The following TAS2R1 variants were observed in gnomAD, a reference collection of about 807,000 sequenced individuals.
The protein encoded by TAS2R1 is taste 2 receptor member 1.
For missense variants in TAS2R1, 370 were observed against 353.4 expected (o/e 1.05, Z -0.38); for synonymous variants, 141 against 134.2 (o/e 1.05, Z -0.35).
the TAS2R1 span, among the ~76,000 whole-genome samples, chr5:9,822,250 T>C: frequency 6.6e-6 from 1 of 152,204 alleles, no homozygotes; most frequent in African/African-American, 2.4e-5. Context: ...TTCCTTGATG[T>C]CACTTCCTCA....
At chr5:9,629,165 T>A, downstream of TAS2R1, 3 of 1,582,948 alleles carry the variant, frequency 1.9e-6, no homozygotes, top group Non-Finnish European at 1.7e-6. Context: ...AGGAGGAACT[T>A]TTTTGCATTT....
upstream of TAS2R1, among the ~76,000 whole-genome samples, chr5:9,633,319 T>TATATATATATATATATATATACAC (rs1475834697): frequency 7.3e-6 from 1 of 137,482 alleles, no homozygotes; most frequent in African/African-American, 3.0e-5. Context: ...TATATATATA[T>TATATATATATATATATATATACAC]ACACAAATGT....
intron 2 of TAS2R1, chr5:9,658,886 T>C (rs144423384): frequency 2.4e-4 from 36 of 152,326 alleles, no homozygotes; most frequent in African/African-American, 7.0e-4. Flanking sequence ...TTTTAATCAC[T>C]ACAGCATCAT....
chr5:9,895,002 T>C, the TAS2R1 span, among the ~76,000 whole-genome samples: 1 of 152,214 alleles, frequency 6.6e-6, no homozygotes, highest in South Asian at 2.1e-4. Context: ...GAGAAGACCA[T>C]GTGGTGGTAG....
chr5:9,780,075 C>T, the TAS2R1 span, among the ~76,000 whole-genome samples: 1 of 152,224 alleles, frequency 6.6e-6, no homozygotes, highest in Non-Finnish European at 1.5e-5. Flanking sequence ...CCTTTTCTCT[C>T]CTGCACCATC....
the TAS2R1 span, among the ~76,000 whole-genome samples, chr5:9,766,275 T>G: frequency 2.7e-3 from 412 of 152,348 alleles, 2 homozygotes; most frequent in African/African-American, 9.5e-3. Flanking sequence ...AAATAAATGT[T>G]TACAAATGCT....
At chr5:9,713,310 C>G (rs1734735756), upstream of TAS2R1, 1 of 152,118 alleles carries the variant, frequency 6.6e-6, no homozygotes, top group Admixed American at 6.5e-5. Context: ...AGTAGTTTTA[C>G]AGAATTACCA....
At chr5:9,867,260 G>A in the TAS2R1 span, 1 of 152,288 alleles carries the variant, frequency 6.6e-6, no homozygotes, top group Non-Finnish European at 1.5e-5. Flanking sequence ...ATACATGCCA[G>A]ACACAGAGGG....
At chr5:9,686,618 G>T (rs548498708) in intron 1 of TAS2R1, among the ~76,000 whole-genome samples, 24 of 152,244 alleles carry the variant, frequency 1.6e-4, no homozygotes, top group African/African-American at 5.1e-4. Context: ...GGGAGGAGAG[G>T]AAGTGGGCAG....
the TAS2R1 span, among the ~76,000 whole-genome samples, chr5:9,718,232 GT>G: frequency 6.6e-6 from 1 of 151,632 alleles, no homozygotes; most frequent in Non-Finnish European, 1.5e-5. Flanking sequence ...GCCTCCCAAA[GT>G]GTTGGGATTA....
the TAS2R1 span, among the ~76,000 whole-genome samples, chr5:9,775,890 G>T: frequency 6.6e-5 from 10 of 152,314 alleles, no homozygotes; most frequent in East Asian, 1.7e-3. Context: ...TCTCCCAGAG[G>T]TTTGAGCTGA....
chr5:9,712,229 C>T (rs1734699985), upstream of TAS2R1: 1 of 152,196 alleles, frequency 6.6e-6, no homozygotes, highest in Non-Finnish European at 1.5e-5. Context: ...GGCAGTGGTG[C>T]TTCATAGGCA....
At chr5:9,766,922 T>C in the TAS2R1 span, among the ~76,000 whole-genome samples, 2 of 152,170 alleles carry the variant, frequency 1.3e-5, no homozygotes, top group Non-Finnish European at 2.9e-5. Context: ...CACTTCCTCA[T>C]TGATCACTGA....
chr5:9,852,262 A>T, the TAS2R1 span, among the ~76,000 whole-genome samples: 1 of 152,030 alleles, frequency 6.6e-6, no homozygotes, highest in Non-Finnish European at 1.5e-5. Context: ...CTTCAAAATT[A>T]TTGAGGTCCA....
the TAS2R1 span, among the ~76,000 whole-genome samples, chr5:9,856,411 C>A: frequency 1.3e-5 from 2 of 152,160 alleles, no homozygotes; most frequent in Non-Finnish European, 2.9e-5. Context: ...ACAATGAACT[C>A]ATGGTTATAG....
Position 9,629,154 on chromosome 5 carries a change from G to A in TAS2R1, c.879C>T (p.Leu293=), listed in dbSNP as rs1739815281. Residue 293 remains leucine, a synonymous_variant, in exon 1 of 1, where the codon CTC becomes CTT. Transcript: ENST00000382492. ...TCTCTCACTGACAGCACTTACTGTG[G>A]AGGAGGAACTTTTTTGCATTTTGTT... ...KLKQNAKKFL[L]HSKCCQ is the part of the protein sequence containing the mutation. The A allele has an allele frequency of 6.4e-7, 1 of 1,573,446 alleles. No homozygotes were observed. Among genetic ancestry groups the A allele is most frequent in the African/African-American group, 1.4e-5 (1 of 73,236 alleles).
chr5:9,792,025 A>T, the TAS2R1 span, among the ~76,000 whole-genome samples: 2 of 152,238 alleles, frequency 1.3e-5, no homozygotes, highest in Non-Finnish European at 2.9e-5. Flanking sequence ...GTCAGGATTC[A>T]AGTGGGATAA....
At chr5:9,778,035 C>T in the TAS2R1 span, among the ~76,000 whole-genome samples, 209 of 152,232 alleles carry the variant, frequency 1.4e-3, no homozygotes, top group African/African-American at 4.0e-3. Flanking sequence ...CGCCCGCCAC[C>T]GCGCCCGGCT....
intron 1 of TAS2R1, among the ~76,000 whole-genome samples, chr5:9,708,255 T>C (rs906329066): frequency 1.3e-5 from 2 of 152,244 alleles, no homozygotes; most frequent in African/African-American, 4.8e-5. Context: ...TGGCAGGCCC[T>C]GTTCGGCCAC....
Sources: allele counts gnomAD v4.1 joint callset (sites outside exome capture counted in the v4.1 genomes callset), GRCh38; gene constraint gnomAD v4.1.1; transcripts MANE v1.5; gene names NCBI Gene and HGNC (gene_info 2026-07-23, HGNC 2026-07-21).